Variants in CYP27C1 observed in about 807,000 individuals in gnomAD.
CYP27C1 encodes cytochrome P450 27C1.
CYP27C1 carries 29 observed loss-of-function variants against 40.6 expected under a neutral mutation model. The observed-to-expected ratio is 0.71, with a 90% CI of 0.53 to 0.97. The LOEUF (loss-of-function observed/expected upper bound fraction) is 0.97. CYP27C1 is among the 50% of genes least tolerant of loss of function. CYP27C1 has a pLI of 0.00. For missense variants in CYP27C1, 390 were observed against 485.8 expected (o/e 0.80, Z 1.85); for synonymous variants, 198 against 186.8 (o/e 1.06, Z -0.49).
At chr2:127,192,991 T>A in intron 8 of CYP27C1, 103 bp downstream of exon 8, 1 of 1,442,758 alleles carries the variant, frequency 6.9e-7, no homozygotes, top group Non-Finnish European at 9.4e-7. Flanking sequence ...TGATCTTAAG[T>A]TTCCAAAACC....
At chr2:127,214,826 A>C (rs1163237483) in intron 1 of CYP27C1, among the ~76,000 whole-genome samples, 1 of 144,426 alleles carries the variant, frequency 6.9e-6, no homozygotes, top group East Asian at 2.0e-4. Flanking sequence ...GAGGAAATTA[A>C]AAAAAAAAAG....
intron 3 of CYP27C1, among the ~76,000 whole-genome samples, chr2:127,202,365 A>T (rs1390643716): frequency 2.0e-5 from 3 of 152,168 alleles, no homozygotes; most frequent in African/African-American, 4.8e-5. Flanking sequence ...ACCTCAGGTG[A>T]TCCACCCGCC....
Position 127,218,348 on chromosome 2 carries a change from T to C in CYP27C1, c.282+1641A>G, listed in dbSNP as rs145823560. On this transcript the variant is annotated intron_variant, in intron 1 of 8. Transcript: ENST00000664447. This position sits in a 1 kb window ranked among gnomAD's most constrained non-coding sequence, Gnocchi z 6.0. ...TTACACTTCAGAAAGCAGGCTGTAT[T>C]GAACCCATCAACAGCAAATAACAAA... Among the ~76,000 whole-genome samples, 628 of 152,244 alleles carry C rather than the reference T, an allele frequency of 4.1e-3. 3 individuals are homozygous for C. The highest frequency in any genetic ancestry group is 0.015 in the African/African-American group (606 of 41,544).
At chr2:127,204,485 A>AAAGAAAGGAAGGAAGGAAGGAAGGAAGG (rs1336827282) in intron 2 of CYP27C1, among the ~76,000 whole-genome samples, 1 of 60,170 alleles carries the variant, frequency 1.7e-5, no homozygotes, top group African/African-American at 6.8e-5. Flanking sequence ...AGAAAGAAAG[A>AAAGAAAGGAAGGAAGGAAGGAAGGAAGG]AAGGAAGGAA....
At chr2:127,216,306 A>C (rs2104702974) in intron 1 of CYP27C1, among the ~76,000 whole-genome samples, 1 of 152,378 alleles carries the variant, frequency 6.6e-6, no homozygotes, top group Non-Finnish European at 1.5e-5. Context: ...CTATGAACTG[A>C]TGAATGGATA....
In CYP27C1 at chr2:127,193,200, T is replaced by C. The variant is rs199833341; in HGVS notation, c.1391A>G (p.Asp464Gly). 8 of 1,614,106 alleles carry C rather than the reference T, an allele frequency of 5.0e-6. No individual in the cohort carries two copies. In the Admixed American group the frequency reaches 1.3e-4, roughly 27 times the overall value. ...FRPERWLRKG[D>G]LDRVDNFGSI... is the part of the protein sequence containing the mutation. ...TCCAAAATTGTCAACTCTATCTAAG[T>C]CTCCTTTCCGCAGCCAGCGCTCAGG... Residue 464 changes from aspartate (D) to glycine (G), a missense_variant, in exon 8 of 9, where the codon GAC (aspartate) becomes GGC (glycine). Physicochemically the swap from Asp to Gly is moderately conservative, Grantham distance 94 (BLOSUM62 -1). Transcript: ENST00000664447.
chr2:127,215,592 G>A (rs1231602888), intron 1 of CYP27C1, among the ~76,000 whole-genome samples: 6 of 152,014 alleles, frequency 3.9e-5, no homozygotes, highest in African/African-American at 4.8e-5. Context: ...AAACAAGGCC[G>A]GCCATAATGG....
In CYP27C1 at chr2:127,203,415, G is replaced by A. The variant is rs775300802; in HGVS notation, c.630C>T (p.Thr210=). 8.1e-6 allele frequency: 13 copies of A among 1,613,552 alleles called. No individual in the cohort carries two copies. Among genetic ancestry groups the A allele is most frequent in the Middle Eastern group, 3.3e-4 (2 of 6,058 alleles). Residue 210 remains threonine, a synonymous_variant, in exon 3 of 9, where the codon ACC becomes ACT. Coordinates refer to ENST00000664447, the MANE Select transcript of CYP27C1 (RefSeq NM_001367502.1). The part of the protein sequence containing the change: ...LLRSQAEDGE[T]VTNVNDLFFK... ...AGAAAAGATCATTGACATTGGTCAC[G>A]GTTTCTCCATCTTCTGCCTGGCTCC...
rs1683302000 is a variant in CYP27C1 at position 127,209,767 on chromosome 2, A to G, written c.283-3677T>C. ...GACCAAGTGGAAGAAAGGATATCAG[A>G]ATTTGAAGACCACCTTACTGAAATA... On this transcript the variant is annotated intron_variant, in intron 1 of 8. Transcript: ENST00000664447. The surrounding 1 kb of genome is among the most constrained non-coding windows in gnomAD (Gnocchi z 4.1). Among the ~76,000 whole-genome samples, 2 of 152,214 alleles carry G rather than the reference A, an allele frequency of 1.3e-5. No homozygotes were observed. Among genetic ancestry groups the G allele is most frequent in the Admixed American group, 1.3e-4 (2 of 15,270 alleles).
At chr2:127,193,409 C>A in intron 7 of CYP27C1, 112 bp from the exon 8 acceptor site, 3 of 1,265,082 alleles carry the variant, frequency 2.4e-6, no homozygotes, top group Non-Finnish European at 3.3e-6. Context: ...GCCTGGGGGC[C>A]GCCCGGGTCC....
rs1488857322 is a variant in CYP27C1 at position 127,201,180 on chromosome 2, G to A, written c.825C>T (p.Pro275=). The A allele has an allele frequency of 1.2e-6, 2 of 1,614,118 alleles. No individual in the cohort carries two copies. Among genetic ancestry groups the A allele is most frequent in the Admixed American group, 1.7e-5 (1 of 60,018 alleles). ...YAGAIPRWLR[P]FIPKPWREFC... ...ATTCCCGCCAGGGCTTTGGGATGAA[G>A]GGGCGAAGCCATCTGGGGATGGCGC... Residue 275 remains proline (P), a synonymous_variant, in exon 4 of 9, where the codon CCC becomes CCT. Transcript: ENST00000664447. The surrounding 1 kb of genome is among the most constrained non-coding windows in gnomAD (Gnocchi z 6.0).
Position 127,200,065 on chromosome 2 carries a change from C to T in CYP27C1, c.884-526G>A, listed in dbSNP as rs1373636858. Among the ~76,000 whole-genome samples, 1 of 152,138 alleles carries T rather than the reference C, an allele frequency of 6.6e-6. No individual in the cohort carries two copies. The highest frequency in any genetic ancestry group is 1.9e-4 in the East Asian group (1 of 5,182). On this transcript the variant is annotated intron_variant, in intron 4 of 8. Transcript: ENST00000664447. The surrounding 1 kb of genome is among the most constrained non-coding windows in gnomAD (Gnocchi z 4.2). ...CAGGATCTCGGCTCACTGCAACCTC[C>T]GCCTCCCGGGTTCAAGCCATTCTCC...
At chr2:127,198,487 TTG>T (rs936276959) in intron 5 of CYP27C1, among the ~76,000 whole-genome samples, 10 of 152,206 alleles carry the variant, frequency 6.6e-5, no homozygotes, top group African/African-American at 2.4e-4. Flanking sequence ...TATTATCATT[TTG>T]TGTGTGTGCT....
At position 127,186,303 on chromosome 2, in the gene CYP27C1, C is replaced by G. The variant is rs778701523; in HGVS notation, c.*968G>C. 6 of 151,276 alleles carry G rather than the reference C, an allele frequency of 4.0e-5. No individual in the cohort carries two copies. The highest frequency in any genetic ancestry group is 7.4e-5 in the Non-Finnish European group (5 of 67,826). 9.4% of individuals were successfully genotyped at this position (151,276 alleles called of 1,614,324 possible). A position where few individuals can be genotyped will look rare whatever the true frequency, so the allele number is the denominator to read the frequency against. On this transcript the variant is annotated 3_prime_UTR_variant, in exon 9 of 9. Coordinates refer to ENST00000664447, the MANE Select transcript of CYP27C1 (RefSeq NM_001367502.1). The surrounding 1 kb of genome is among the most constrained non-coding windows in gnomAD (Gnocchi z 4.5). ...CTTCCAAATAAAAACTAATAGTCAA[C>G]TTCATTAGGCATTATGACTAGAAAA...
intron 2 of CYP27C1, among the ~76,000 whole-genome samples, chr2:127,204,557 GA>G (rs779055219): frequency 2.5e-5 from 1 of 40,630 alleles, no homozygotes; most frequent in African/African-American, 1.3e-4. Context: ...GAGAGAGAGA[GA>G]AAGAAAGAAA....
Position 127,209,720 on chromosome 2 carries a change from C to T in CYP27C1, c.283-3630G>A, listed in dbSNP as rs1222248979. Among the ~76,000 whole-genome samples the T allele has an allele frequency of 6.6e-6, 1 of 152,116 alleles. No individual in the cohort carries two copies. The highest frequency in any genetic ancestry group is 2.4e-5 in the African/African-American group (1 of 41,422). ...CAGTGTGAGAACTTCGTGAAGCATA[C>T]ACAGGTATCAACAGCCAAATCGACC... On this transcript the variant is annotated intron_variant, in intron 1 of 8. Coordinates refer to ENST00000664447, the MANE Select transcript of CYP27C1 (RefSeq NM_001367502.1). The surrounding 1 kb of genome is among the most constrained non-coding windows in gnomAD (Gnocchi z 4.1).
At chr2:127,193,941 G>T in intron 6 of CYP27C1, 74 bp from the exon 7 acceptor site, 2 of 1,482,710 alleles carry the variant, frequency 1.3e-6, no homozygotes, top group Non-Finnish European at 1.9e-6. Flanking sequence ...CAGAACCCTG[G>T]ATATATTCCC....
At position 127,209,177 on chromosome 2, in the gene CYP27C1, C is replaced by T. The variant is rs1229945885; in HGVS notation, c.283-3087G>A. ...ACCCATCATTGCTGCACTTCAGCCTCCTTGAGTGACATCTCCAGGCACAGG... is the reference window on the plus strand; with the variant it reads ...ACCCATCATTGCTGCACTTCAGCCTTCTTGAGTGACATCTCCAGGCACAGG... On this transcript the variant is annotated intron_variant, in intron 1 of 8. Coordinates refer to ENST00000664447, the MANE Select transcript of CYP27C1 (RefSeq NM_001367502.1). This position sits in a 1 kb window ranked among gnomAD's most constrained non-coding sequence, Gnocchi z 4.1. 6.6e-6 allele frequency among the ~76,000 whole-genome samples: 1 copy of T among 152,154 alleles called. No homozygotes were observed. Among genetic ancestry groups the T allele is most frequent in the Non-Finnish European group, 1.5e-5 (1 of 68,026 alleles).
At position 127,187,220 on chromosome 2, in the gene CYP27C1, T is replaced by C; in HGVS notation, c.*51A>G. ...GTGATCAGCGAACACAAATACCCAC[T>C]GTGTGTCGGCGAGCTGGTCTGCTAC... On this transcript the variant is annotated 3_prime_UTR_variant, in exon 9 of 9. Coordinates refer to ENST00000664447, the MANE Select transcript of CYP27C1 (RefSeq NM_001367502.1). 2 of 1,445,838 alleles carry C rather than the reference T, an allele frequency of 1.4e-6. No homozygotes were observed. Among genetic ancestry groups the C allele is most frequent in the Non-Finnish European group, 1.9e-6 (2 of 1,028,260 alleles). The allele number at this position is 1,445,838 out of a possible 1,614,324, so 89.6% of individuals were successfully genotyped here. A position where few individuals can be genotyped will look rare whatever the true frequency, so the allele number is the denominator to read the frequency against.
Sources: allele counts gnomAD v4.1 joint callset (sites outside exome capture counted in the v4.1 genomes callset), GRCh38; gene constraint gnomAD v4.1.1; non-coding constraint Gnocchi (gnomAD v3.1); transcripts MANE v1.5; gene names NCBI Gene and HGNC (gene_info 2026-07-23, HGNC 2026-07-21).